GET1: variants seen among roughly 807,000 people sequenced by gnomAD.
The protein encoded by GET1 is guided entry of tail-anchored proteins factor 1.
Under a neutral mutation model 22.6 loss-of-function variants are expected in GET1, and 20 were observed. The observed-to-expected ratio is 0.89, with a 90% CI of 0.62 to 1.29. GET1 has a LOEUF of 1.29. GET1 is among the 50% of genes most tolerant of loss of function. The pLI is 0.00. For missense variants in GET1, 209 were observed against 219.9 expected, an observed-to-expected ratio of 0.95 and a Z score of 0.31; for synonymous variants, 92 against 83.8, an observed-to-expected ratio of 1.10 and a Z score of -0.53.
downstream of GET1, among the ~76,000 whole-genome samples, chr21:39,400,142 C>A (rs185480028): frequency 1.5e-3 from 232 of 152,258 alleles, 2 homozygotes; most frequent in African/African-American, 5.3e-3. Flanking sequence ...GTTTTTCTTA[C>A]ACAGTGCATC....
At chr21:39,415,511 C>T (rs2040977005) in intron 1 of GET1, among the ~76,000 whole-genome samples, 2 of 152,160 alleles carry the variant, frequency 1.3e-5, no homozygotes, top group African/African-American at 4.8e-5. Flanking sequence ...CAAATCTAGA[C>T]CTCTAATAAC....
chr21:39,383,299 G>A lies in GET1; in HGVS notation c.102+2813G>A, dbSNP rs572651932. ...ATTTTATTTTGTTTATTTATTTTTTGAGACAGAGTCTTGCTCTTGTTGCCC... is the reference window on the plus strand; with the variant it reads ...ATTTTATTTTGTTTATTTATTTTTTAAGACAGAGTCTTGCTCTTGTTGCCC... On this transcript the variant is annotated intron_variant, in intron 1 of 4. Coordinates refer to ENST00000649170, the MANE Select transcript of GET1 (RefSeq NM_004627.6). Among the ~76,000 whole-genome samples the A allele has an allele frequency of 1.5e-3, 217 of 143,244 alleles. 2 individuals are homozygous for A. The highest frequency in any genetic ancestry group is 5.1e-3 in the African/African-American group (197 of 38,482). The allele number at this position is 143,244 out of a possible 152,430, so 94.0% of individuals were successfully genotyped here. A position where few individuals can be genotyped will look rare whatever the true frequency, so the allele number is the denominator to read the frequency against.
At chr21:39,381,548 C>T (rs540238584) in intron 1 of GET1, among the ~76,000 whole-genome samples, 2 of 152,294 alleles carry the variant, frequency 1.3e-5, no homozygotes, top group South Asian at 4.1e-4. Flanking sequence ...GAGTCTCCTT[C>T]AGAATCTTTC....
chr21:39,400,098 C>A (rs540392650), downstream of GET1, among the ~76,000 whole-genome samples: 293 of 152,214 alleles, frequency 1.9e-3, 1 homozygote, highest in African/African-American at 6.9e-3. Context: ...GGTTTACTGT[C>A]CCCTGACCTG....
At chr21:39,416,986 A>G (rs894852281) in intron 1 of GET1, among the ~76,000 whole-genome samples, 1 of 152,188 alleles carries the variant, frequency 6.6e-6, no homozygotes, top group African/African-American at 2.4e-5. Flanking sequence ...GGCTAACTGT[A>G]TACACATTTG....
downstream of GET1, among the ~76,000 whole-genome samples, chr21:39,398,754 C>T (rs1045640858): frequency 4.0e-5 from 6 of 151,830 alleles, no homozygotes; most frequent in Non-Finnish European, 7.4e-5. Context: ...GCTGGGATTA[C>T]AGGCGCCCGC....
intron 4 of GET1, among the ~76,000 whole-genome samples, chr21:39,394,347 A>G (rs2038502622): frequency 6.6e-6 from 1 of 152,186 alleles, no homozygotes; most frequent in South Asian, 2.1e-4. Flanking sequence ...TAAATAAAAA[A>G]TAAGATTCCT....
intron 1 of GET1, among the ~76,000 whole-genome samples, chr21:39,388,418 C>T (rs1273171056): frequency 2.0e-5 from 3 of 152,190 alleles, no homozygotes; most frequent in Non-Finnish European, 2.9e-5. Flanking sequence ...GGAAAGGACC[C>T]AGTTCGGAAT....
rs139589781 is a variant in GET1, at chr21:39,422,736, C to T, written c.*24-5496C>T. On this transcript the variant is annotated intron_variant, in intron 1 of 1. Coordinates refer to the GET1 transcript ENST00000478273. ...TCATTTCCAGATAAACCAGTCCAGC[C>T]ACAGAGTGAACTCTTGTGCACTGCA... 545 of 543,878 alleles carry T rather than the reference C, an allele frequency of 1.0e-3. 2 individuals carry two copies. The highest frequency in any genetic ancestry group is 1.4e-3 in the Middle Eastern group (3 of 2,126). 33.7% of individuals were successfully genotyped at this position (543,878 alleles called of 1,614,324 possible).
intron 1 of GET1, among the ~76,000 whole-genome samples, chr21:39,382,944 A>AT (rs957443670): frequency 6.6e-6 from 1 of 151,770 alleles, no homozygotes; most frequent in African/African-American, 2.4e-5. Flanking sequence ...TATTCTTTTT[A>AT]TTTTTTTATT....
At chr21:39,381,920 G>A (rs925211577) in intron 1 of GET1, among the ~76,000 whole-genome samples, 1 of 151,928 alleles carries the variant, frequency 6.6e-6, no homozygotes. Flanking sequence ...TGTATTTTTA[G>A]TAGAGACAGA....
chr21:39,407,586 C>A (rs2039303642), downstream of GET1, among the ~76,000 whole-genome samples: 1 of 152,202 alleles, frequency 6.6e-6, no homozygotes, highest in Non-Finnish European at 1.5e-5. Context: ...ATGGCACGTG[C>A]AGTCTGTGGA....
rs1287938099 is a variant in GET1, at chr21:39,397,782, T to C, written c.*843T>C. On this transcript the variant is annotated 3_prime_UTR_variant, in exon 5 of 5. Coordinates refer to ENST00000649170, the MANE Select transcript of GET1 (RefSeq NM_004627.6). ...TCTAATTAAAATCTTTGCAAATGCT[T>C]GTGTAACTTCCTGCCTTACAGCTAC... is the stretch of plus-strand genomic sequence containing the variant. 1 of 152,224 alleles carries C rather than the reference T, an allele frequency of 6.6e-6. No individual in the cohort carries two copies. Among genetic ancestry groups the C allele is most frequent in the Non-Finnish European group, 1.5e-5 (1 of 68,044 alleles). The allele number at this position is 152,224 out of a possible 1,614,324, so 9.4% of individuals were successfully genotyped here.
At chr21:39,389,664 CT>C (rs1240673029) in intron 1 of GET1, among the ~76,000 whole-genome samples, 1 of 152,180 alleles carries the variant, frequency 6.6e-6, no homozygotes, top group Admixed American at 6.5e-5. Context: ...ACCCTGACTC[CT>C]GTGTCAGGCT....
intron 1 of GET1, chr21:39,425,815 G>A (rs1161222369): frequency 1.3e-5 from 2 of 152,290 alleles, no homozygotes; most frequent in African/African-American, 2.4e-5. Context: ...AGAAGGATGC[G>A]TGATGGGATC....
intron 1 of GET1, among the ~76,000 whole-genome samples, chr21:39,424,065 T>A (rs1399034766): frequency 6.6e-6 from 1 of 151,906 alleles, no homozygotes; most frequent in Non-Finnish European, 1.5e-5. Flanking sequence ...CAGGCTGGAG[T>A]GTAGTGGTGC....
intron 1 of GET1, chr21:39,423,519 C>A: frequency 9.9e-6 from 15 of 1,514,484 alleles, no homozygotes; most frequent in Non-Finnish European, 1.1e-5. Context: ...CAGTTTATTA[C>A]TAGTAAAATA....
intron 3 of GET1, 123 bp downstream of exon 3, chr21:39,391,959 C>A: frequency 1.1e-6 from 1 of 872,544 alleles, no homozygotes; most frequent in Non-Finnish European, 1.9e-6. Context: ...GTCGTGTGTC[C>A]CTGCCCACAT....
chr21:39,415,320 A>T (rs1398114718), intron 1 of GET1, among the ~76,000 whole-genome samples: 4 of 152,218 alleles, frequency 2.6e-5, no homozygotes, highest in Non-Finnish European at 5.9e-5. Context: ...TGCATAAAAT[A>T]TGTAATTTCA....
Sources: allele counts gnomAD v4.1 joint callset (sites outside exome capture counted in the v4.1 genomes callset), GRCh38; gene constraint gnomAD v4.1.1; transcripts MANE v1.5; gene names NCBI Gene and HGNC (gene_info 2026-07-23, HGNC 2026-07-21).